ATXN7L1: variants seen among roughly 807,000 people sequenced by gnomAD.
ATXN7L1 encodes ataxin 7 like 1, also known as ataxin-7-like protein 1.
A neutral mutation model predicts 70.8 loss-of-function variants in ATXN7L1; 15 were observed. The ratio of observed to expected loss-of-function variants is 0.21; its 90% confidence interval spans 0.14 to 0.33. The LOEUF (loss-of-function observed/expected upper bound fraction) is 0.33. Ranked by LOEUF, ATXN7L1 falls within the 10% of genes least tolerant of loss-of-function variation. ATXN7L1 has a pLI of 1.00. For missense variants in ATXN7L1, 975 were observed against 1,097.1 expected, an observed-to-expected ratio of 0.89 and a Z score of 1.57; for synonymous variants, 440 against 445.1, an observed-to-expected ratio of 0.99 and a Z score of 0.14.
chr7:105,876,198 G>A (rs1819265828), intron 1 of ATXN7L1, among the ~76,000 whole-genome samples, 180 bp downstream of exon 1: 1 of 152,086 alleles, frequency 6.6e-6, no homozygotes, highest in Admixed American at 6.5e-5. Flanking sequence ...CCTGGCAGCC[G>A]GGCCTCTCCC....
At chr7:105,636,456 A>G (rs867613546) in intron 7 of ATXN7L1, among the ~76,000 whole-genome samples, 1 of 86,338 alleles carries the variant, frequency 1.2e-5, no homozygotes, top group Non-Finnish European at 2.6e-5. Flanking sequence ...TGCCCCCCCC[A>G]CCCCCACTTC....
chr7:105,759,636 G>A (rs980075738), intron 3 of ATXN7L1, among the ~76,000 whole-genome samples: 3 of 152,072 alleles, frequency 2.0e-5, no homozygotes, highest in Non-Finnish European at 4.4e-5. Flanking sequence ...CATCCAGCAC[G>A]ATTCCTTCTG....
chr7:105,617,474 C>T (rs868868192), intron 9 of ATXN7L1, among the ~76,000 whole-genome samples: 1 of 152,180 alleles, frequency 6.6e-6, no homozygotes, highest in African/African-American at 2.4e-5. Flanking sequence ...TTTTTAGGCA[C>T]GCTTTCTATC....
At chr7:105,711,105 G>C (rs1297590407) in intron 3 of ATXN7L1, among the ~76,000 whole-genome samples, 1 of 152,080 alleles carries the variant, frequency 6.6e-6, no homozygotes, top group Non-Finnish European at 1.5e-5. Context: ...TGACATGTGG[G>C]GATTATTACA....
chr7:105,801,207 A>C (rs1806770599), intron 2 of ATXN7L1, among the ~76,000 whole-genome samples: 1 of 152,226 alleles, frequency 6.6e-6, no homozygotes, highest in African/African-American at 2.4e-5. Flanking sequence ...GTTAGTATGA[A>C]GTTTCACTGG....
chr7:105,638,739 C>G, intron 6 of ATXN7L1, 130 bp from the exon 7 acceptor site: 2 of 1,191,846 alleles, frequency 1.7e-6, no homozygotes, highest in Non-Finnish European at 2.3e-6. Flanking sequence ...TTCAAGGCAA[C>G]AGCTCCTGTT....
At position 105,657,319 on chromosome 7, in the gene ATXN7L1, T is replaced by C. The variant is rs142525062; in HGVS notation, c.578+7747A>G. On this transcript the variant is annotated intron_variant, in intron 4 of 11. Transcript: ENST00000419735. ...TTAGAGGAGCCCAATTGACACACCATTGAATTGAAAAAACCAGAGGGTCCC... is the reference window on the plus strand; with the variant it reads ...TTAGAGGAGCCCAATTGACACACCACTGAATTGAAAAAACCAGAGGGTCCC... Among the ~76,000 whole-genome samples, 927 of 152,150 alleles carry C rather than the reference T, an allele frequency of 6.1e-3. 6 individuals carry two copies. The highest frequency in any genetic ancestry group is 6.9e-3 in the Non-Finnish European group (466 of 67,966).
At chr7:105,661,405 G>A (rs373736524) in intron 4 of ATXN7L1, among the ~76,000 whole-genome samples, 2 of 152,152 alleles carry the variant, frequency 1.3e-5, no homozygotes, top group Non-Finnish European at 2.9e-5. Flanking sequence ...TAGAGGGTCC[G>A]TTATGTTGGG....
intron 3 of ATXN7L1, among the ~76,000 whole-genome samples, chr7:105,729,117 A>C (rs1796231433): frequency 6.6e-6 from 1 of 151,954 alleles, no homozygotes; most frequent in Non-Finnish European, 1.5e-5. Flanking sequence ...AATAATTAAT[A>C]ATAATTAGCT....
rs576539051 is a variant in ATXN7L1 at position 105,716,531 on chromosome 7, T to C, written c.356-51243A>G. ...ACTCTGGCCCTGTGGTTCTCTGTTT[T>C]TTAAAATTACAAAAAGGTCCAGGTG... On this transcript the variant is annotated intron_variant, in intron 3 of 11. Coordinates refer to ENST00000419735, the MANE Select transcript of ATXN7L1 (RefSeq NM_020725.2). Among the ~76,000 whole-genome samples, 174 of 152,226 alleles carry C rather than the reference T, an allele frequency of 1.1e-3. 1 individual carries two copies. The highest frequency in any genetic ancestry group is 4.1e-3 in the African/African-American group (170 of 41,544).
In ATXN7L1 at chr7:105,645,849, A is replaced by AAACG. The variant is rs200711623; in HGVS notation, c.579-2729_579-2728insCGTT. Among the ~76,000 whole-genome samples, 620 of 150,742 alleles carry AAACG rather than the reference A, an allele frequency of 4.1e-3. 35 individuals carry two copies. The East Asian group carries it at 0.11, about 26-fold the overall frequency. ...CAAACAAACAAACAAACAAACAAAC[A>AAACG]AACAGAAATTAGCCAGGGGTGGTGG... On this transcript the variant is annotated intron_variant, in intron 4 of 11. Coordinates refer to ENST00000419735, the MANE Select transcript of ATXN7L1 (RefSeq NM_020725.2).
chr7:105,686,249 C>T (rs1487103124), intron 3 of ATXN7L1, among the ~76,000 whole-genome samples: 1 of 152,218 alleles, frequency 6.6e-6, no homozygotes. Flanking sequence ...GTCACAGTGG[C>T]TCATGCCTGT....
chr7:105,664,231 T>C (rs1802160767), intron 4 of ATXN7L1, among the ~76,000 whole-genome samples: 1 of 151,950 alleles, frequency 6.6e-6, no homozygotes, highest in Admixed American at 6.6e-5. Context: ...AGGGCCGTGG[T>C]CTTGCTCCAC....
intron 2 of ATXN7L1, among the ~76,000 whole-genome samples, chr7:105,830,951 G>A (rs1315307848): frequency 3.3e-5 from 5 of 152,218 alleles, no homozygotes; most frequent in African/African-American, 9.6e-5. Context: ...CTCAATCTAC[G>A]TCCACAGGAG....
At chr7:105,610,066 C>T (rs952737292) in intron 11 of ATXN7L1, among the ~76,000 whole-genome samples, 6 of 152,158 alleles carry the variant, frequency 3.9e-5, no homozygotes, top group African/African-American at 9.7e-5. Flanking sequence ...CCACCATGCC[C>T]GGCCGCAAGT....
intron 2 of ATXN7L1, among the ~76,000 whole-genome samples, chr7:105,849,776 C>T (rs1410723470): frequency 6.6e-6 from 1 of 152,218 alleles, no homozygotes; most frequent in Non-Finnish European, 1.5e-5. Flanking sequence ...CCTCCTGCTT[C>T]CCATCTGAAC....
intron 2 of ATXN7L1, among the ~76,000 whole-genome samples, chr7:105,846,009 C>A (rs983985066): frequency 6.6e-6 from 1 of 152,010 alleles, no homozygotes; most frequent in Non-Finnish European, 1.5e-5. Flanking sequence ...AGATATAACA[C>A]CAAAAGTGTA....
At chr7:105,822,285 T>A (rs1810272075) in intron 2 of ATXN7L1, among the ~76,000 whole-genome samples, 1 of 152,152 alleles carries the variant, frequency 6.6e-6, no homozygotes, top group Admixed American at 6.6e-5. Context: ...AATAAATCCA[T>A]AACATCTATA....
At chr7:105,819,839 G>C (rs1809843097) in intron 2 of ATXN7L1, 1 of 620,184 alleles carries the variant, frequency 1.6e-6, no homozygotes, top group South Asian at 1.4e-5. Context: ...ATGAAAAAGC[G>C]GATGGTGGTT....
Sources: allele counts gnomAD v4.1 joint callset (sites outside exome capture counted in the v4.1 genomes callset), GRCh38; gene constraint gnomAD v4.1.1; transcripts MANE v1.5; gene names NCBI Gene and HGNC (gene_info 2026-07-23, HGNC 2026-07-21).